Variants in SOCS2 observed in about 807,000 individuals in gnomAD.
SOCS2 encodes suppressor of cytokine signaling 2.
SOCS2 carries 10 observed loss-of-function variants against 18.6 expected under a neutral mutation model. The observed-to-expected ratio is 0.54, with a 90% CI of 0.33 to 0.91. The LOEUF is 0.91. Ranked by LOEUF, SOCS2 falls within the 40% of genes least tolerant of loss-of-function variation. The pLI is 0.02. For missense variants in SOCS2, 231 were observed against 247.2 expected (o/e 0.93, Z 0.44); for synonymous variants, 104 against 104.0 (o/e 1.00, Z 0.00).
At chr12:93,614,672 G>C in the SOCS2 span, among the ~76,000 whole-genome samples, 3 of 143,362 alleles carry the variant, frequency 2.1e-5, no homozygotes, top group Non-Finnish European at 4.5e-5. Context: ...CTGGAGTGCA[G>C]TGGTGTGATC....
upstream of SOCS2, chr12:93,572,401 C>G (rs1392587183): frequency 9.0e-6 from 3 of 334,376 alleles, no homozygotes; most frequent in East Asian, 2.4e-4. This position sits in a 1 kb window ranked among gnomAD's most constrained non-coding sequence, Gnocchi z 5.0. Flanking sequence ...TCCTAGGTCG[C>G]CAGTCTTTGA....
chr12:93,599,394 T>G, the SOCS2 span, among the ~76,000 whole-genome samples: 2 of 152,166 alleles, frequency 1.3e-5, no homozygotes, highest in African/African-American at 4.8e-5. Context: ...ATTCCTGGCC[T>G]CAAGTGATCC....
the SOCS2 span, among the ~76,000 whole-genome samples, chr12:93,605,051 C>T: frequency 6.6e-6 from 1 of 151,898 alleles, no homozygotes; most frequent in Non-Finnish European, 1.5e-5. Flanking sequence ...CACTCCTGCC[C>T]CAGTAGTCTT....
At chr12:93,590,244 A>G in the SOCS2 span, among the ~76,000 whole-genome samples, 2 of 152,056 alleles carry the variant, frequency 1.3e-5, no homozygotes, top group Admixed American at 6.5e-5. Context: ...CAAAAAAAAA[A>G]AAGAATAAGC....
At chr12:93,610,217 G>A in the SOCS2 span, among the ~76,000 whole-genome samples, 1 of 152,178 alleles carries the variant, frequency 6.6e-6, no homozygotes, top group African/African-American at 2.4e-5. Flanking sequence ...GCACACATAA[G>A]AATCATGTGG....
At chr12:93,617,255 T>A in the SOCS2 span, among the ~76,000 whole-genome samples, 13,398 of 152,198 alleles carry the variant, frequency 0.088, 987 homozygotes, top group East Asian at 0.31. Flanking sequence ...CAGGGTGGGA[T>A]TTTTAGCAAT....
At chr12:93,582,989 C>T (rs922946992) in intron 1 of SOCS2, 3 of 146,690 alleles carry the variant, frequency 2.0e-5, no homozygotes, top group Middle Eastern at 3.6e-3. Context: ...TCCTTCTTAA[C>T]TCTGGGTTTT....
the SOCS2 span, among the ~76,000 whole-genome samples, chr12:93,596,121 A>T: frequency 3.9e-5 from 6 of 152,230 alleles, no homozygotes; most frequent in African/African-American, 1.4e-4. Context: ...CCTTGGGATC[A>T]ATAATAGACA....
the SOCS2 span, among the ~76,000 whole-genome samples, chr12:93,589,417 TAAAA>T: frequency 2.6e-5 from 4 of 152,282 alleles, no homozygotes; most frequent in African/African-American, 7.2e-5. Context: ...AATGTGCAAA[TAAAA>T]AAATCCATAT....
chr12:93,605,234 G>A, the SOCS2 span, among the ~76,000 whole-genome samples: 4 of 152,042 alleles, frequency 2.6e-5, no homozygotes, highest in Admixed American at 2.0e-4. Context: ...TGTCTTTATC[G>A]CTCTCTTAAA....
At chr12:93,594,620 A>G in the SOCS2 span, among the ~76,000 whole-genome samples, 2,591 of 152,232 alleles carry the variant, frequency 0.017, 62 homozygotes, top group African/African-American at 0.059. Flanking sequence ...TTCTTTAGAT[A>G]TAATTCTTGT....
chr12:93,573,143 C>A (rs754156841), intron 1 of SOCS2, 107 bp downstream of exon 1: 1 of 1,397,894 alleles, frequency 7.2e-7, no homozygotes, highest in Non-Finnish European at 9.7e-7. Context: ...GGAAATACGT[C>A]CCTTGCTTCC....
chr12:93,589,038 T>C, the SOCS2 span, among the ~76,000 whole-genome samples: 1 of 152,236 alleles, frequency 6.6e-6, no homozygotes, highest in Non-Finnish European at 1.5e-5. Context: ...TTGCCACATG[T>C]GTTCCTTTCT....
chr12:93,617,442 A>C, the SOCS2 span, among the ~76,000 whole-genome samples: 12 of 152,230 alleles, frequency 7.9e-5, no homozygotes, highest in African/African-American at 2.9e-4. Context: ...GTTTGTGAAA[A>C]TTTATTGAAC....
At chr12:93,579,887 TG>T (rs1157436983), downstream of SOCS2, among the ~76,000 whole-genome samples, 2 of 152,330 alleles carry the variant, frequency 1.3e-5, no homozygotes, top group East Asian at 3.9e-4. Flanking sequence ...AACATGCATT[TG>T]TAAAGATAAA....
At chr12:93,603,911 T>C in the SOCS2 span, among the ~76,000 whole-genome samples, 1 of 152,190 alleles carries the variant, frequency 6.6e-6, no homozygotes, top group African/African-American at 2.4e-5. Flanking sequence ...GATTGGCATG[T>C]ATTATCAGAG....
the SOCS2 span, among the ~76,000 whole-genome samples, chr12:93,589,975 C>T: frequency 1.9e-4 from 29 of 152,234 alleles, 1 homozygote; most frequent in South Asian, 5.2e-3. Flanking sequence ...CCTTCCAGGC[C>T]GGGTGTGGTG....
the SOCS2 span, among the ~76,000 whole-genome samples, chr12:93,614,480 T>TTTCCTTCCTTCCTTCCTTCTTTCC: frequency 7.6e-5 from 2 of 26,152 alleles, no homozygotes; most frequent in East Asian, 1.5e-3. Flanking sequence ...CCTTCCTTCC[T>TTTCCTTCCTTCCTTCCTTCTTTCC]TTCCTTCCTT....
the SOCS2 span, among the ~76,000 whole-genome samples, chr12:93,617,165 G>A: frequency 7.9e-5 from 12 of 152,208 alleles, no homozygotes; most frequent in African/African-American, 2.9e-4. Flanking sequence ...TCTGAGATCA[G>A]TTCTTCATTA....
Sources: allele counts gnomAD v4.1 joint callset (sites outside exome capture counted in the v4.1 genomes callset), GRCh38; gene constraint gnomAD v4.1.1; non-coding constraint Gnocchi (gnomAD v3.1); transcripts MANE v1.5; gene names NCBI Gene and HGNC (gene_info 2026-07-23, HGNC 2026-07-21).